Variants in PITPNM1 observed in about 807,000 individuals in gnomAD.
PITPNM1 encodes the protein phosphatidylinositol transfer protein membrane associated 1.
In PITPNM1, 74 loss-of-function variants were observed where a neutral mutation model predicts 133.3. The ratio of observed to expected loss-of-function variants is 0.56; its 90% CI spans 0.46 to 0.67. The LOEUF is 0.67. Ranked by LOEUF, PITPNM1 falls within the 30% of genes least tolerant of loss-of-function variation. PITPNM1 has a pLI of 0.00. For synonymous variants in PITPNM1, 738 were observed against 741.4 expected, an observed-to-expected ratio of 1.00 and a Z score of 0.08; for missense variants, 1,398 against 1,739.5, an observed-to-expected ratio of 0.80 and a Z score of 3.49.
intron 22 of PITPNM1, 100 bp downstream of exon 22, chr11:67,493,310 G>C: frequency 1.5e-6 from 2 of 1,309,536 alleles, no homozygotes; most frequent in South Asian, 1.4e-5. Flanking sequence ...GGCCCGGGCC[G>C]ATCCAGTTGG....
chr11:67,498,844 G>T lies in PITPNM1; in HGVS notation c.1236C>A (p.Gly412=), dbSNP rs982031684. 3 of 1,609,588 alleles carry T rather than the reference G, an allele frequency of 1.9e-6. No individual in the cohort carries two copies. The highest frequency in any genetic ancestry group is 2.5e-6 in the Non-Finnish European group (3 of 1,177,184). ...CCCCCAGCTCCCCGGCTCCATCCAG[G>T]CCCTGGGGGGAACAATGGGGTGCAG... ...DGAQAPRDSE[G]LDGAGELGAE... The change falls in exon 10 of 24, where the codon GGC becomes GGA. Residue 412 remains glycine (G), a splice_region_variant and synonymous_variant. Coordinates refer to ENST00000356404, the MANE Select transcript of PITPNM1 (RefSeq NM_004910.3). This position sits in a 1 kb window ranked among gnomAD's most constrained non-coding sequence, Gnocchi z 5.7.
chr11:67,495,377 C>G, intron 16 of PITPNM1, 61 bp downstream of exon 16: 1 of 1,457,206 alleles, frequency 6.9e-7, no homozygotes, highest in Non-Finnish European at 9.1e-7. Context: ...AGCTGGGCTT[C>G]GGAGGTGGAA....
intron 12 of PITPNM1, 26 bp from the exon 13 acceptor site, chr11:67,497,705 T>C (rs1866174943): frequency 6.2e-7 from 1 of 1,605,570 alleles, no homozygotes; most frequent in African/African-American, 1.3e-5. Context: ...GACAGAAACA[T>C]TCTTAGGCCT....
rs1293664443 is a variant in PITPNM1 at position 67,498,668 on chromosome 11, G to T, written c.1412C>A (p.Ala471Asp). 2 of 1,601,730 alleles carry T rather than the reference G, an allele frequency of 1.2e-6. No homozygotes were observed. The highest frequency in any genetic ancestry group is 1.7e-6 in the Non-Finnish European group (2 of 1,179,940). ...CAGTCGCAGCGCCACGTGGCCCAAG[G>T]CCTCAGGGAAGTGGATGCGGGTGAC... ...EAVTRIHFPE[A>D]LGHVALRLVP... The change falls in exon 10 of 24, where the codon GCC becomes GAC. Residue 471 changes from alanine to aspartate, a missense_variant. Coordinates refer to ENST00000356404, the MANE Select transcript of PITPNM1 (RefSeq NM_004910.3). This position sits in a 1 kb window ranked among gnomAD's most constrained non-coding sequence, Gnocchi z 5.7.
chr11:67,493,461 G>C lies in PITPNM1; in HGVS notation c.3291C>G (p.Thr1097=). The change falls in exon 22 of 24, where the codon ACC becomes ACG. Residue 1097 remains threonine, a synonymous_variant. Coordinates refer to ENST00000356404, the MANE Select transcript of PITPNM1 (RefSeq NM_004910.3). The part of the protein sequence containing the change: ...HGVVSFCDGL[T]HDPLRQKAMF... Reference sequence around the variant, plus strand: ...TTGCCTTCTGGCGTAGTGGGTCGTGGGTGAGGCCGTCGCAGAAGGAGACGA... The same window carrying C: ...TTGCCTTCTGGCGTAGTGGGTCGTGCGTGAGGCCGTCGCAGAAGGAGACGA... 1 of 1,605,840 alleles carries C rather than the reference G, an allele frequency of 6.2e-7. No homozygotes were observed. The highest frequency in any genetic ancestry group is 8.5e-7 in the Non-Finnish European group (1 of 1,176,448).
Position 67,500,221 on chromosome 11 carries a change from C to T in PITPNM1, c.841G>A (p.Ala281Thr). ...PGKPSTEARS[A>T]ASNTGTPDGP... ...TCGGGGGTGCCAGTGTTGCTGGCCG[C>T]AGACCGGGCCTCGGTGCTCGGTTTC... The change falls in exon 6 of 24, where the codon GCG (alanine) becomes ACG (threonine). Residue 281 changes from alanine to threonine, a missense_variant. By Grantham distance (58) the Ala-to-Thr change is moderately conservative. Around this residue, in one of 5 missense-constraint regions of PITPNM1, gnomAD observed 195 missense variants for 178.8 expected, o/e 1.09. Coordinates refer to ENST00000356404, the MANE Select transcript of PITPNM1 (RefSeq NM_004910.3). 1 of 1,604,302 alleles carries T rather than the reference C, an allele frequency of 6.2e-7. No individual in the cohort carries two copies. The highest frequency in any genetic ancestry group is 8.5e-7 in the Non-Finnish European group (1 of 1,179,552).
chr11:67,502,397 C>T lies in PITPNM1; in HGVS notation c.310G>A (p.Val104Met), dbSNP rs774332267. The T allele has an allele frequency of 1.1e-5, 18 of 1,613,920 alleles. No individual in the cohort carries two copies. Among genetic ancestry groups the T allele is most frequent in the East Asian group, 4.5e-5 (2 of 44,888 alleles). ...YTRTRYTCPF[V>M]EKFSIEIETY... ...TCAATTTCAATGGAGAATTTCTCCA[C>T]GAAAGGGCAGGTGTACCTGGGCAGA... Residue 104 changes from valine to methionine, a missense_variant, in exon 4 of 24, where the codon GTG becomes ATG. By Grantham distance (21) the Val-to-Met change is conservative. This residue lies in a region of PITPNM1 where 274 missense variants were observed against 360.7 expected (regional missense o/e 0.76). Transcript: ENST00000356404. The surrounding 1 kb of genome is among the most constrained non-coding windows in gnomAD (Gnocchi z 5.9).
At position 67,497,450 on chromosome 11, in the gene PITPNM1, G is replaced by C. The variant is rs1188469308; in HGVS notation, c.1941-14C>G. The C allele has an allele frequency of 6.3e-7, 1 of 1,592,188 alleles. No individual in the cohort carries two copies. The highest frequency in any genetic ancestry group is 1.7e-5 in the Admixed American group (1 of 57,634). ...GCTGCCTGAAGGCTGTGGGGGAGGA[G>C]GGGTGCTCAGTGCTGCTGCCTCTGT... On this transcript the variant is annotated splice_polypyrimidine_tract_variant and intron_variant, in intron 13 of 23. Coordinates refer to ENST00000356404, the MANE Select transcript of PITPNM1 (RefSeq NM_004910.3).
At position 67,500,135 on chromosome 11, in the gene PITPNM1, C is replaced by A; in HGVS notation, c.927G>T (p.Trp309Cys). 1 of 1,592,184 alleles carries A rather than the reference C, an allele frequency of 6.3e-7. No individual in the cohort carries two copies. Among genetic ancestry groups the A allele is most frequent in the African/African-American group, 1.3e-5 (1 of 74,674 alleles). The stretch of plus-strand genomic sequence containing the variant: ...AGTAGGAGGAACGGGAGGATGAGGA[C>A]CACTGCTTCCCAAAGCTGGCATCGG... Reference protein sequence around the residue: ...ASPDASFGKQWSSSSRSSYSS... With the variant: ...ASPDASFGKQCSSSSRSSYSS... Residue 309 changes from tryptophan (W) to cysteine (C), a missense_variant, in exon 6 of 24, where the codon TGG becomes TGT. Physicochemically the swap from Trp to Cys is radical, Grantham distance 215. Around this residue, in one of 5 missense-constraint regions of PITPNM1, gnomAD observed 195 missense variants for 178.8 expected, o/e 1.09. Coordinates refer to ENST00000356404, the MANE Select transcript of PITPNM1 (RefSeq NM_004910.3).
In PITPNM1 at chr11:67,500,094, C is replaced by T. The variant is rs1158434983; in HGVS notation, c.967+1G>A. The stretch of plus-strand genomic sequence containing the variant: ...CTCCCATCCCTGTGCCCCAGCCTCA[C>T]CTCCATGTTGGGATGAGTAGGAGGA... On this transcript the variant is annotated splice_donor_variant, in intron 6 of 23. Coordinates refer to ENST00000356404, the MANE Select transcript of PITPNM1 (RefSeq NM_004910.3). LOFTEE classifies it high-confidence loss of function. 1 of 1,597,684 alleles carries T rather than the reference C, an allele frequency of 6.3e-7. No individual in the cohort carries two copies. The highest frequency in any genetic ancestry group is 1.7e-5 in the Admixed American group (1 of 59,606).
chr11:67,499,913 C>A lies in PITPNM1; in HGVS notation c.1063+1G>T. On this transcript the variant is annotated splice_donor_variant, in intron 7 of 23. Transcript: ENST00000356404. LOFTEE classifies it high-confidence loss of function. ...CTCCCAAAAAGGGCCTCAGTGCTGA[C>A]CGTGGGCATCAAAGAACTCTTCCTC... 6.2e-7 allele frequency: 1 copy of A among 1,611,752 alleles called. No individual in the cohort carries two copies. Among genetic ancestry groups the A allele is most frequent in the African/African-American group, 1.3e-5 (1 of 75,018 alleles).
chr11:67,495,741 T>G, intron 15 of PITPNM1, 139 bp from the exon 16 acceptor site: 1 of 816,888 alleles, frequency 1.2e-6, no homozygotes, highest in Non-Finnish European at 1.8e-6. Context: ...TGGCATTCTC[T>G]CCTCTCAGCC....
Position 67,494,338 on chromosome 11 carries a change from GC to G in PITPNM1, c.2764del (p.Ala922ArgfsTer14), listed in dbSNP as rs1565188439. 6.2e-7 allele frequency: 1 copy of G among 1,607,642 alleles called. No individual in the cohort carries two copies. The highest frequency in any genetic ancestry group is 8.5e-7 in the Non-Finnish European group (1 of 1,177,384). On this transcript the variant is annotated frameshift_variant, in exon 19 of 24. Transcript: ENST00000356404. LOFTEE classifies it high-confidence loss of function. Reference protein sequence around the residue: ...KIRNVTSNHRASDTVVCEGRP... With the variant: ...KIRNVTSNHRXSDTVVCEGRP... Reference sequence around the variant, plus strand: ...GCCCTCGCACACCACCGTGTCGCTCGCCCGGTGGTTGGAAGTGACGTTCTAG... The same window carrying G: ...GCCCTCGCACACCACCGTGTCGCTCGCCGGTGGTTGGAAGTGACGTTCTAG...
At position 67,495,600 on chromosome 11, in the gene PITPNM1, C is replaced by T. The variant is rs546210969; in HGVS notation, c.2320G>A (p.Asp774Asn). The change falls in exon 16 of 24, where the codon GAC becomes AAC. Residue 774 changes from aspartate to asparagine, a missense_variant and splice_region_variant. Physicochemically the swap from Asp to Asn is conservative, Grantham distance 23. Transcript: ENST00000356404. ...AGGCTGGAGTGCGTCTGCAGAGTGT[C>T]GGCTGGGGGAAGGAGGGCAAGGTCA... ...LGDGSSLLLA[D>N]TLQTHSSLFL... The T allele has an allele frequency of 1.0e-4, 161 of 1,561,970 alleles. 1 individual carries two copies. In the South Asian group the frequency reaches 1.5e-3, roughly 14 times the overall value.
At position 67,498,856 on chromosome 11, in the gene PITPNM1, A is replaced by G. The variant is rs199607704; in HGVS notation, c.1234-10T>C. On this transcript the variant is annotated splice_polypyrimidine_tract_variant and intron_variant, in intron 9 of 23. Coordinates refer to ENST00000356404, the MANE Select transcript of PITPNM1 (RefSeq NM_004910.3). This position sits in a 1 kb window ranked among gnomAD's most constrained non-coding sequence, Gnocchi z 5.7. The stretch of plus-strand genomic sequence containing the variant: ...CGGCTCCATCCAGGCCCTGGGGGGA[A>G]CAATGGGGTGCAGTGGGTGTCACAG... 52 of 1,609,092 alleles carry G rather than the reference A, an allele frequency of 3.2e-5. No individual in the cohort carries two copies. The African/African-American group carries it at 4.5e-4, about 14-fold the overall frequency.
chr11:67,493,284 C>G, intron 22 of PITPNM1, 126 bp downstream of exon 22: 1 of 1,155,522 alleles, frequency 8.7e-7, no homozygotes, highest in East Asian at 2.6e-5. Flanking sequence ...CGTAGCGGGC[C>G]GCTGCAGTCA....
At chr11:67,497,208 C>A in intron 14 of PITPNM1, 23 bp downstream of exon 14, 1 of 1,556,942 alleles carries the variant, frequency 6.4e-7, no homozygotes, top group Non-Finnish European at 8.7e-7. Flanking sequence ...ACTAGAGGCG[C>A]CCCCGCAGCC....
intron 17 of PITPNM1, 45 bp downstream of exon 17, chr11:67,495,032 A>G (rs1866071323): frequency 6.2e-7 from 1 of 1,604,028 alleles, no homozygotes; most frequent in Admixed American, 1.7e-5. Flanking sequence ...AAAGCAGCCC[A>G]TCCCCGTCCC....
At chr11:67,503,523 C>G (rs151063782) in intron 2 of PITPNM1, among the ~76,000 whole-genome samples, 1 of 152,222 alleles carries the variant, frequency 6.6e-6, no homozygotes, top group African/African-American at 2.4e-5. Flanking sequence ...CCCTTTCAAG[C>G]CCGAGGCGGG....
Sources: allele counts gnomAD v4.1 joint callset (sites outside exome capture counted in the v4.1 genomes callset), GRCh38; gene constraint gnomAD v4.1.1; regional missense constraint gnomAD v4.1.1; non-coding constraint Gnocchi (gnomAD v3.1); transcripts MANE v1.5; gene names NCBI Gene and HGNC (gene_info 2026-07-23, HGNC 2026-07-21).